Variants in LARP1B observed in about 807,000 individuals in gnomAD.
LARP1B encodes the protein La ribonucleoprotein 1B, also known as la-related protein 1B.
A neutral mutation model predicts 114.2 loss-of-function variants in LARP1B; 76 were observed. The observed-to-expected ratio is 0.67, with a 90% CI of 0.55 to 0.81. The LOEUF (loss-of-function observed/expected upper bound fraction) is 0.81. LARP1B is among the 30% of genes least tolerant of loss of function. The pLI is 0.00. For missense variants in LARP1B, 1,014 were observed against 1,075.8 expected (o/e 0.94, Z 0.80); for synonymous variants, 345 against 348.0 (o/e 0.99, Z 0.10).
intron 19 of LARP1B, among the ~76,000 whole-genome samples, chr4:128,208,678 G>C (rs1308185841): frequency 6.6e-6 from 1 of 152,182 alleles, no homozygotes; most frequent in African/African-American, 2.4e-5. Flanking sequence ...AAAAATACTA[G>C]TTCATTGGTG....
Position 128,207,340 on chromosome 4 carries a change from A to G in LARP1B, c.2504A>G (p.Glu835Gly). ...CAGTCTATTGACCCAAAACTTCAGGAATACCTCTGTAGTTTTAAGAGGTTA... is the reference window on the plus strand; with the variant it reads ...CAGTCTATTGACCCAAAACTTCAGGGATACCTCTGTAGTTTTAAGAGGTTA... Reference protein sequence around the residue: ...KTQSIDPKLQEYLCSFKRLED... With the variant: ...KTQSIDPKLQGYLCSFKRLED... The change falls in exon 19 of 20, where the codon GAA (glutamate) becomes GGA (glycine). Residue 835 changes from glutamate (E) to glycine (G), a missense_variant. By Grantham distance (98) the Glu-to-Gly change is moderately conservative (BLOSUM62 -2). Transcript: ENST00000326639. 2 of 1,556,868 alleles carry G rather than the reference A, an allele frequency of 1.3e-6. No homozygotes were observed. Among genetic ancestry groups the G allele is most frequent in the Non-Finnish European group, 1.7e-6 (2 of 1,151,324 alleles).
chr4:128,101,573 T>C (rs908093857), intron 8 of LARP1B, among the ~76,000 whole-genome samples: 3 of 151,940 alleles, frequency 2.0e-5, no homozygotes, highest in African/African-American at 7.3e-5. Flanking sequence ...TTTTTTTTTT[T>C]TTTGCAAAAT....
intron 5 of LARP1B, among the ~76,000 whole-genome samples, chr4:128,087,564 T>C (rs1047766326): frequency 2.0e-5 from 3 of 152,194 alleles, no homozygotes; most frequent in Non-Finnish European, 4.4e-5. Context: ...ATTCATCTGC[T>C]GAATCCCTTG....
At chr4:128,160,406 G>T (rs1668867918) in intron 11 of LARP1B, among the ~76,000 whole-genome samples, 2 of 152,208 alleles carry the variant, frequency 1.3e-5, no homozygotes, top group Admixed American at 1.3e-4. Context: ...ATCCTGACCA[G>T]AAGGGACATG....
chr4:128,196,902 A>T (rs1366968818), intron 15 of LARP1B, among the ~76,000 whole-genome samples: 1 of 152,224 alleles, frequency 6.6e-6, no homozygotes. Flanking sequence ...TGCTACATGG[A>T]TGAGCTTTGA....
chr4:128,154,128 TTAC>T (rs1734262857), intron 11 of LARP1B, among the ~76,000 whole-genome samples: 1 of 152,220 alleles, frequency 6.6e-6, no homozygotes, highest in Admixed American at 6.5e-5. Flanking sequence ...ATTAGATAAT[TTAC>T]TACAAGTCCA....
intron 9 of LARP1B, chr4:128,108,347 A>G (rs1782796123): frequency 1.4e-5 from 14 of 995,800 alleles, no homozygotes; most frequent in Non-Finnish European, 1.6e-5. Context: ...TTTGCCTTTC[A>G]GTGTAGTGTA....
intron 12 of LARP1B, among the ~76,000 whole-genome samples, chr4:128,171,953 G>C (rs1444084948): frequency 6.6e-6 from 1 of 151,154 alleles, no homozygotes; most frequent in Non-Finnish European, 1.5e-5. Flanking sequence ...AGCAAATAGA[G>C]TGTGATGTGC....
At chr4:128,083,380 C>T (rs1451865914) in intron 5 of LARP1B, among the ~76,000 whole-genome samples, 5 of 151,736 alleles carry the variant, frequency 3.3e-5, no homozygotes, top group Admixed American at 6.6e-5. Context: ...TCCTCACCTC[C>T]CAGTAGGGGC....
chr4:128,209,424 A>G (rs1758490372), intron 19 of LARP1B, among the ~76,000 whole-genome samples: 1 of 152,174 alleles, frequency 6.6e-6, no homozygotes, highest in Non-Finnish European at 1.5e-5. Context: ...CTGTCTCAAA[A>G]CAAAAACAAA....
chr4:128,186,920 G>A (rs1750572639), intron 15 of LARP1B, among the ~76,000 whole-genome samples: 1 of 152,144 alleles, frequency 6.6e-6, no homozygotes, highest in Non-Finnish European at 1.5e-5. Flanking sequence ...CTGCTTCAGA[G>A]GGTGCAAACC....
chr4:128,169,514 AT>A (rs1356746178), intron 12 of LARP1B, among the ~76,000 whole-genome samples: 1 of 151,970 alleles, frequency 6.6e-6, no homozygotes, highest in Admixed American at 6.6e-5. Context: ...CCTGAAATCT[AT>A]TTTTTTGAAA....
chr4:128,065,037 C>G (rs1761858479), intron 1 of LARP1B, among the ~76,000 whole-genome samples: 1 of 152,144 alleles, frequency 6.6e-6, no homozygotes, highest in African/African-American at 2.4e-5. Context: ...TGCCTTCATT[C>G]TCCAGTCTTC....
chr4:128,098,747 G>GTGTGTGTGTGTATATATATA, intron 8 of LARP1B, among the ~76,000 whole-genome samples: 3 of 15,586 alleles, frequency 1.9e-4, no homozygotes, highest in Non-Finnish European at 2.6e-4. Context: ...ATATGTATGT[G>GTGTGTGTGTGTATATATATA]TATATATATA....
intron 11 of LARP1B, among the ~76,000 whole-genome samples, chr4:128,159,937 A>G (rs906592522): frequency 1.2e-4 from 19 of 152,248 alleles, no homozygotes; most frequent in Non-Finnish European, 2.6e-4. Context: ...TTTGTTTGTA[A>G]TAGCTATAAT....
chr4:128,206,016 C>T lies in LARP1B; in HGVS notation c.2310-412C>T, dbSNP rs976171527. ...GTTAAAAATCTGCATACCGGCCGGG[C>T]GCAGTGACTCACACCTGTAATCCCA... On this transcript the variant is annotated intron_variant, in intron 17 of 19. Coordinates refer to ENST00000326639, the MANE Select transcript of LARP1B (RefSeq NM_018078.4). Among the ~76,000 whole-genome samples, 18 of 152,230 alleles carry T rather than the reference C, an allele frequency of 1.2e-4. No individual in the cohort carries two copies. In the South Asian group the frequency reaches 2.5e-3, roughly 21 times the overall value.
intron 7 of LARP1B, among the ~76,000 whole-genome samples, chr4:128,096,865 G>A (rs1778238205): frequency 6.6e-6 from 1 of 151,986 alleles, no homozygotes; most frequent in Non-Finnish European, 1.5e-5. Context: ...CTCCCAAAGT[G>A]CTGGGATTAC....
At chr4:128,133,507 A>G (rs923143885) in intron 11 of LARP1B, among the ~76,000 whole-genome samples, 1 of 152,196 alleles carries the variant, frequency 6.6e-6, no homozygotes, top group Non-Finnish European at 1.5e-5. Flanking sequence ...AAGCCACCCA[A>G]AAAATTCACG....
At chr4:128,100,854 G>A (rs1460461316) in intron 8 of LARP1B, among the ~76,000 whole-genome samples, 1 of 144,184 alleles carries the variant, frequency 6.9e-6, no homozygotes, top group Non-Finnish European at 1.5e-5. Context: ...GTCTTGCTCT[G>A]TCACCCAGGT....
Sources: allele counts gnomAD v4.1 joint callset (sites outside exome capture counted in the v4.1 genomes callset), GRCh38; gene constraint gnomAD v4.1.1; transcripts MANE v1.5; gene names NCBI Gene and HGNC (gene_info 2026-07-23, HGNC 2026-07-21).